Variants in HLF observed in about 807,000 individuals in gnomAD.
The protein encoded by HLF is HLF transcription factor, PAR bZIP family member, also known as hepatic leukemia factor.
In HLF, 3 loss-of-function variants were observed where a neutral mutation model predicts 22.6. The ratio of observed to expected loss-of-function variants is 0.13; its 90% CI spans 0.06 to 0.34. The LOEUF (loss-of-function observed/expected upper bound fraction) is 0.34. Ranked by LOEUF, HLF falls within the 10% of genes least tolerant of loss-of-function variation. The pLI is 1.00. For synonymous variants in HLF, 151 were observed against 151.8 expected (o/e 0.99, Z 0.04); for missense variants, 299 against 389.2 (o/e 0.77, Z 1.95).
chr17:55,306,808 T>C (rs1176469533), intron 2 of HLF, among the ~76,000 whole-genome samples: 1 of 152,120 alleles, frequency 6.6e-6, no homozygotes, highest in Non-Finnish European at 1.5e-5. Flanking sequence ...CCTTTCTTTA[T>C]TCTTTCTTTA....
At chr17:55,289,935 C>G (rs1325283848) in intron 2 of HLF, among the ~76,000 whole-genome samples, 2 of 152,154 alleles carry the variant, frequency 1.3e-5, no homozygotes, top group African/African-American at 2.4e-5. Flanking sequence ...CAGCCTCATT[C>G]ATTAGAATTC....
At chr17:55,301,432 CGTT>C (rs1424987674) in intron 2 of HLF, among the ~76,000 whole-genome samples, 3 of 152,240 alleles carry the variant, frequency 2.0e-5, no homozygotes, top group African/African-American at 7.2e-5. Flanking sequence ...TTTGCAATCT[CGTT>C]GATTAAAAAT....
At chr17:55,310,033 T>C (rs1904758936) in intron 2 of HLF, among the ~76,000 whole-genome samples, 2 of 152,234 alleles carry the variant, frequency 1.3e-5, no homozygotes, top group South Asian at 4.1e-4. Flanking sequence ...ATATGAAATA[T>C]CCTGTTTCCA....
intron 2 of HLF, among the ~76,000 whole-genome samples, chr17:55,305,974 A>T (rs957966673): frequency 1.3e-5 from 2 of 152,230 alleles, no homozygotes; most frequent in African/African-American, 4.8e-5. Flanking sequence ...TTATTTCCAC[A>T]TATGGAAAAT....
chr17:55,320,900 G>T lies in HLF; in HGVS notation c.*21G>T, dbSNP rs1368414204. The T allele has an allele frequency of 2.5e-6, 4 of 1,583,020 alleles. No homozygotes were observed. The Admixed American group carries it at 5.2e-5, about 21-fold the overall frequency. On this transcript the variant is annotated 3_prime_UTR_variant, in exon 4 of 4. Transcript: ENST00000226067. The surrounding 1 kb of genome is among the most constrained non-coding windows in gnomAD (Gnocchi z 4.2). The stretch of plus-strand genomic sequence containing the variant: ...TGTAGGATGGCATTTTTGCAGGCTG[G>T]CTTTGGAATAGATGGACAGTTTGTT...
At chr17:55,280,709 A>G (rs573344338) in intron 2 of HLF, among the ~76,000 whole-genome samples, 38 of 152,076 alleles carry the variant, frequency 2.5e-4, no homozygotes, top group Non-Finnish European at 4.6e-4. Flanking sequence ...TGGGTTTTCA[A>G]TGGTCACAAA....
chr17:55,299,293 A>C (rs1356109078), intron 2 of HLF, among the ~76,000 whole-genome samples: 1 of 152,202 alleles, frequency 6.6e-6, no homozygotes, highest in Non-Finnish European at 1.5e-5. Flanking sequence ...CTTACTTAGT[A>C]ACCTTTCAGA....
intron 2 of HLF, among the ~76,000 whole-genome samples, chr17:55,269,425 T>G (rs1353912299): frequency 1.3e-5 from 2 of 152,158 alleles, no homozygotes; most frequent in African/African-American, 2.4e-5. Context: ...AATTTTTTTG[T>G]AGGAACAAGC....
In HLF at chr17:55,315,446, A is replaced by C. The variant is rs1905027392; in HGVS notation, c.671A>C (p.Lys224Thr). 1 of 1,610,360 alleles carries C rather than the reference A, an allele frequency of 6.2e-7. No homozygotes were observed. The highest frequency in any genetic ancestry group is 1.7e-5 in the Admixed American group (1 of 59,998). Reference sequence around the variant, plus strand: ...AAAGTCTTCATCCCTGATGACCTGAAGGTAAATTGGAACTGGTAATCAGTC... The same window carrying C: ...AAAGTCTTCATCCCTGATGACCTGACGGTAAATTGGAACTGGTAATCAGTC... ...ARKVFIPDDLKDDKYWARRRK... is the reference protein window; with the variant it reads ...ARKVFIPDDLTDDKYWARRRK... Residue 224 changes from lysine to threonine, a missense_variant and splice_region_variant, in exon 3 of 4, where the codon AAG (lysine) becomes ACG (threonine). Coordinates refer to ENST00000226067, the MANE Select transcript of HLF (RefSeq NM_002126.5).
At chr17:55,292,181 A>T (rs2081069529) in intron 2 of HLF, among the ~76,000 whole-genome samples, 1 of 152,230 alleles carries the variant, frequency 6.6e-6, no homozygotes, top group Non-Finnish European at 1.5e-5. Context: ...GTTTGAGAGG[A>T]TCGACTCCAA....
chr17:55,270,894 G>T (rs531432295), intron 2 of HLF, among the ~76,000 whole-genome samples: 12 of 152,026 alleles, frequency 7.9e-5, no homozygotes, highest in Non-Finnish European at 1.5e-4. Context: ...CGCCCGCCTC[G>T]GCCTCCCAAA....
rs529244791 is a variant in HLF at position 55,270,690 on chromosome 17, T to A, written c.451+2604T>A. Among the ~76,000 whole-genome samples the A allele has an allele frequency of 5.8e-5, 8 of 138,942 alleles. No homozygotes were observed. The South Asian group carries it at 1.6e-3, about 28-fold the overall frequency. The allele number at this position is 138,942 out of a possible 152,430, so 91.2% of individuals were successfully genotyped here. On this transcript the variant is annotated intron_variant, in intron 2 of 3. Transcript: ENST00000226067. ...TTTTTTTTTTTTTTGAGACGGAGTCTCGCTCTGTCGCCCAGGCTGGAGTGC... is the reference window on the plus strand; with the variant it reads ...TTTTTTTTTTTTTTGAGACGGAGTCACGCTCTGTCGCCCAGGCTGGAGTGC...
At chr17:55,276,711 T>G (rs1447823911) in intron 2 of HLF, among the ~76,000 whole-genome samples, 2 of 152,162 alleles carry the variant, frequency 1.3e-5, no homozygotes, top group African/African-American at 4.8e-5. Context: ...TTGGTGCCAG[T>G]CAGGCTGACA....
intron 2 of HLF, among the ~76,000 whole-genome samples, chr17:55,275,798 A>G (rs985181257): frequency 6.6e-6 from 1 of 152,310 alleles, no homozygotes; most frequent in African/African-American, 2.4e-5. Flanking sequence ...CCTTTACCAT[A>G]AGTCAGTTCA....
intron 2 of HLF, chr17:55,273,705 G>C (rs182754051): frequency 2.0e-5 from 3 of 151,970 alleles, no homozygotes. Context: ...CTCCAGGCAC[G>C]TGGCTGTGCC....
chr17:55,295,528 G>A (rs1363440202), intron 2 of HLF, among the ~76,000 whole-genome samples: 1 of 152,216 alleles, frequency 6.6e-6, no homozygotes, highest in Non-Finnish European at 1.5e-5. Flanking sequence ...GCACTGCCAG[G>A]GCAACAGAAC....
rs750635452 is a variant in HLF at position 55,315,324 on chromosome 17, C to T, written c.549C>T (p.Ala183=). Residue 183 remains alanine, a synonymous_variant, in exon 3 of 4, where the codon GCC becomes GCT. Coordinates refer to ENST00000226067, the MANE Select transcript of HLF (RefSeq NM_002126.5). Reference sequence around the variant, plus strand: ...ATGAGCCAGACCCAGCAGATCTTGCCCTTTCCAGCATCCCTGGCCAGGAAA... The same window carrying T: ...ATGAGCCAGACCCAGCAGATCTTGCTCTTTCCAGCATCCCTGGCCAGGAAA... The part of the protein sequence containing the change: ...VGYEPDPADL[A]LSSIPGQEMF... The T allele has an allele frequency of 1.2e-5, 19 of 1,614,048 alleles. No individual in the cohort carries two copies. Among genetic ancestry groups the T allele is most frequent in the Non-Finnish European group, 1.5e-5 (18 of 1,180,012 alleles).
chr17:55,311,783 C>T (rs1904842547), intron 2 of HLF, among the ~76,000 whole-genome samples: 1 of 152,162 alleles, frequency 6.6e-6, no homozygotes, highest in African/African-American at 2.4e-5. Context: ...AGAGAGTGAA[C>T]ATAGTACCTA....
intron 1 of HLF, among the ~76,000 whole-genome samples, chr17:55,266,551 C>G (rs2080792730): frequency 6.6e-6 from 1 of 152,194 alleles, no homozygotes; most frequent in Non-Finnish European, 1.5e-5. Context: ...AGAGGACAAC[C>G]TGTTGCATTG....
Sources: allele counts gnomAD v4.1 joint callset (sites outside exome capture counted in the v4.1 genomes callset), GRCh38; gene constraint gnomAD v4.1.1; non-coding constraint Gnocchi (gnomAD v3.1); transcripts MANE v1.5; gene names NCBI Gene and HGNC (gene_info 2026-07-23, HGNC 2026-07-21).